PPP2R2B: variants seen among roughly 807,000 people sequenced by gnomAD.
PPP2R2B encodes protein phosphatase 2 regulatory subunit Bbeta, also known as serine/threonine-protein phosphatase 2A 55 kDa regulatory subunit B beta isoform.
Under a neutral mutation model 46.0 loss-of-function variants are expected in PPP2R2B, and 5 were observed. That is an observed-to-expected ratio of 0.11 (90% confidence interval 0.06 to 0.23). The LOEUF (loss-of-function observed/expected upper bound fraction) is 0.23, where lower values mean the gene tolerates loss of function less well. Among genes scored for constraint, PPP2R2B ranks in the 10% least tolerant of loss-of-function variants. The pLI is 1.00. For missense variants in PPP2R2B, 367 were observed against 575.0 expected (o/e 0.64, Z 3.70); for synonymous variants, 215 against 206.7 (o/e 1.04, Z -0.34).
At chr5:146,720,860 T>C (rs1245882554) in intron 2 of PPP2R2B, among the ~76,000 whole-genome samples, 1 of 152,188 alleles carries the variant, frequency 6.6e-6, no homozygotes. Context: ...TATCTGACTA[T>C]AGAATGCTAC....
intron 2 of PPP2R2B, among the ~76,000 whole-genome samples, chr5:146,747,900 G>A (rs1001717942): frequency 5.9e-5 from 9 of 152,048 alleles, no homozygotes; most frequent in South Asian, 2.1e-4. Context: ...AAATTAGGAC[G>A]ATACGAAGGG....
intron 7 of PPP2R2B, among the ~76,000 whole-genome samples, chr5:146,624,723 G>A (rs1315874577): frequency 6.6e-6 from 1 of 152,188 alleles, no homozygotes; most frequent in South Asian, 2.1e-4. Context: ...TCTACCGTGT[G>A]GCCCAGCCCT....
intron 2 of PPP2R2B, among the ~76,000 whole-genome samples, chr5:146,823,948 G>A (rs555113103): frequency 1.3e-5 from 2 of 152,226 alleles, no homozygotes; most frequent in South Asian, 4.2e-4. Flanking sequence ...AAGCTTAGGG[G>A]TAGCACTCCA....
rs182573158 is a variant in PPP2R2B, at chr5:146,585,879, A to G, written c.*4068T>C. On this transcript the variant is annotated 3_prime_UTR_variant, in exon 10 of 10. Coordinates refer to ENST00000394411, the MANE Select transcript of PPP2R2B (RefSeq NM_181675.4). ...TTCTGGCCATTTTACAGGTGATGAC[A>G]CTGACATAGGGACTGAGTGGGTAGC... 13 of 152,338 alleles carry G rather than the reference A, an allele frequency of 8.5e-5. No individual in the cohort carries two copies. Among genetic ancestry groups the G allele is most frequent in the African/African-American group, 3.1e-4 (13 of 41,572 alleles). 9.4% of individuals were successfully genotyped at this position (152,338 alleles called of 1,614,324 possible).
intron 1 of PPP2R2B, among the ~76,000 whole-genome samples, chr5:147,027,592 C>T (rs970012721): frequency 5.5e-5 from 8 of 146,754 alleles, no homozygotes; most frequent in African/African-American, 2.0e-4. Flanking sequence ...AACATCGCGC[C>T]ACTGCACCCC....
chr5:146,910,513 A>C (rs1763141209), intron 1 of PPP2R2B, among the ~76,000 whole-genome samples: 2 of 152,090 alleles, frequency 1.3e-5, no homozygotes, highest in Non-Finnish European at 2.9e-5. Context: ...TGCTTCCTTT[A>C]CTCTAGTCCT....
At position 146,582,053 on chromosome 5, in the gene PPP2R2B, A is replaced by G. The variant is rs1269916537; in HGVS notation, c.*7894T>C. ...TTATTGTTGTATTTCCCAGCTGCCC[A>G]CAGAGCTTCCCCTGCAATATTGTGG... On this transcript the variant is annotated 3_prime_UTR_variant, in exon 10 of 10. Coordinates refer to ENST00000394411, the MANE Select transcript of PPP2R2B (RefSeq NM_181675.4). The G allele has an allele frequency of 1.3e-5, 2 of 152,260 alleles. No homozygotes were observed. Among genetic ancestry groups the G allele is most frequent in the East Asian group, 3.9e-4 (2 of 5,188 alleles). The allele number at this position is 152,260 out of a possible 1,614,324, so 9.4% of individuals were successfully genotyped here.
chr5:146,645,783 T>G (rs887389767), intron 6 of PPP2R2B, among the ~76,000 whole-genome samples: 2 of 152,334 alleles, frequency 1.3e-5, no homozygotes, highest in South Asian at 4.1e-4. Context: ...CTATCTCATA[T>G]TCAGAGACTG....
chr5:146,719,887 C>G (rs1354749576), intron 2 of PPP2R2B, among the ~76,000 whole-genome samples: 1 of 152,076 alleles, frequency 6.6e-6, no homozygotes, highest in Non-Finnish European at 1.5e-5. Context: ...CAACATCAAG[C>G]TGGCATTCCC....
intron 1 of PPP2R2B, among the ~76,000 whole-genome samples, chr5:146,923,938 A>G (rs4705448): frequency 0.034 from 5,105 of 152,264 alleles, 356 homozygotes; most frequent in East Asian, 0.28. Flanking sequence ...ACATAGATGG[A>G]CCTGGAGGCC....
chr5:146,764,637 C>T (rs1438581399), intron 2 of PPP2R2B, among the ~76,000 whole-genome samples: 1 of 152,148 alleles, frequency 6.6e-6, no homozygotes, highest in African/African-American at 2.4e-5. Flanking sequence ...GAGTTCATTA[C>T]TCTCCATTAT....
intron 1 of PPP2R2B, among the ~76,000 whole-genome samples, chr5:146,926,375 T>C (rs1227681704): frequency 6.6e-6 from 1 of 151,766 alleles, no homozygotes; most frequent in Non-Finnish European, 1.5e-5. Flanking sequence ...TTCCTGATTT[T>C]ATTTATTTAT....
intron 5 of PPP2R2B, among the ~76,000 whole-genome samples, chr5:146,657,535 C>A (rs1296037971): frequency 6.6e-6 from 1 of 152,124 alleles, no homozygotes; most frequent in Non-Finnish European, 1.5e-5. Flanking sequence ...ATGGAAGGAG[C>A]ATCCACATTC....
At chr5:146,660,849 GTA>G (rs1776624312) in intron 5 of PPP2R2B, among the ~76,000 whole-genome samples, 1 of 152,192 alleles carries the variant, frequency 6.6e-6, no homozygotes, top group South Asian at 2.1e-4. Flanking sequence ...GTATTAGGTA[GTA>G]TGTGTACACA....
chr5:146,600,466 G>A lies in PPP2R2B; in HGVS notation c.791-6C>T, dbSNP rs1771672360. 6.2e-7 allele frequency: 1 copy of A among 1,613,344 alleles called. No homozygotes were observed. The highest frequency in any genetic ancestry group is 1.7e-5 in the Admixed American group (1 of 59,882). Reference sequence around the variant, plus strand: ...ATCTTCCGGCTCTTCAAAAACTGCAGAACAAAAGCAAAACAAGACAAATTT... The same window carrying A: ...ATCTTCCGGCTCTTCAAAAACTGCAAAACAAAAGCAAAACAAGACAAATTT... On this transcript the variant is annotated splice_polypyrimidine_tract_variant and splice_region_variant and intron_variant, in intron 7 of 9. Transcript: ENST00000394411.
chr5:146,931,844 A>G (rs1269202478), intron 1 of PPP2R2B, among the ~76,000 whole-genome samples: 1 of 152,188 alleles, frequency 6.6e-6, no homozygotes, highest in Non-Finnish European at 1.5e-5. Flanking sequence ...AACAATTAAT[A>G]AAGAAGTTAC....
intron 1 of PPP2R2B, among the ~76,000 whole-genome samples, chr5:146,975,798 T>C (rs1752873276): frequency 6.6e-6 from 1 of 152,226 alleles, no homozygotes; most frequent in Non-Finnish European, 1.5e-5. Flanking sequence ...GCAAAATATC[T>C]ATTCAGGTCC....
chr5:146,686,847 C>G (rs1273479550), intron 5 of PPP2R2B, among the ~76,000 whole-genome samples: 1 of 152,134 alleles, frequency 6.6e-6, no homozygotes, highest in East Asian at 1.9e-4. Flanking sequence ...GTCACTTTAA[C>G]GATGAGCTCC....
intron 1 of PPP2R2B, among the ~76,000 whole-genome samples, chr5:147,051,801 C>T (rs577226771): frequency 6.2e-5 from 7 of 112,724 alleles, no homozygotes; most frequent in Admixed American, 2.3e-4. Context: ...CTCATTCTAT[C>T]GCCCAGGCTG....
Sources: gnomAD v4.1 joint callset for allele counts (sites outside exome capture counted in the v4.1 genomes callset) on GRCh38, gnomAD v4.1.1 for gene constraint, MANE v1.5 for transcripts, NCBI Gene and HGNC (gene_info 2026-07-23, HGNC 2026-07-21) for gene names.